DPP10: variants seen among roughly 807,000 people sequenced by gnomAD.
DPP10 encodes the protein inactive dipeptidyl peptidase 10.
Under a neutral mutation model 120.9 loss-of-function variants are expected in DPP10, and 33 were observed. The observed-to-expected ratio is 0.27, with a 90% CI of 0.21 to 0.37. The LOEUF (loss-of-function observed/expected upper bound fraction) is 0.37. DPP10 is among the 10% of genes least tolerant of loss of function. The pLI is 1.00. For synonymous variants in DPP10, 337 were observed against 326.1 expected, an observed-to-expected ratio of 1.03 and a Z score of -0.36; for missense variants, 816 against 942.8, an observed-to-expected ratio of 0.87 and a Z score of 1.76.
rs1558858610 is a variant in DPP10 at position 115,565,764 on chromosome 2, G to GTTTTT, written c.441+39796_441+39797insTTTTT. Among the ~76,000 whole-genome samples the GTTTTT allele has an allele frequency of 2.3e-4, 32 of 139,652 alleles. 1 individual carries two copies. Among genetic ancestry groups the GTTTTT allele is most frequent in the East Asian group, 4.2e-4 (2 of 4,796 alleles). 91.6% of individuals were successfully genotyped at this position (139,652 alleles called of 152,430 possible). On this transcript the variant is annotated intron_variant, in intron 5 of 25. Transcript: ENST00000410059. ...AGGTTATGGGTTTTTTTTTTTGTTTGTTTTGTTTTTTTTTGTTTTTTTTTG... is the reference window on the plus strand; with the variant it reads ...AGGTTATGGGTTTTTTTTTTTGTTTGTTTTTTTTTGTTTTTTTTTGTTTTTTTTTG...
chr2:115,508,030 A>G (rs2077037131), intron 4 of DPP10, among the ~76,000 whole-genome samples: 1 of 152,098 alleles, frequency 6.6e-6, no homozygotes, highest in African/African-American at 2.4e-5. Context: ...TTAAATGGGT[A>G]ATTCTATTTT....
chr2:115,318,623 A>G (rs544128905), intron 2 of DPP10, among the ~76,000 whole-genome samples: 8 of 152,138 alleles, frequency 5.3e-5, no homozygotes, highest in Non-Finnish European at 1.2e-4. Context: ...TTTATAGTGT[A>G]AAAGTTTTTC....
At chr2:114,569,784 G>A (rs563542554) in intron 1 of DPP10, among the ~76,000 whole-genome samples, 8 of 152,164 alleles carry the variant, frequency 5.3e-5, no homozygotes, top group Admixed American at 2.0e-4. Flanking sequence ...GAGCAAAAGA[G>A]TAAGATAATT....
chr2:115,380,594 T>G (rs4471900), intron 3 of DPP10, among the ~76,000 whole-genome samples: 8,021 of 151,930 alleles, frequency 0.053, 662 homozygotes, highest in African/African-American at 0.18. Context: ...ATCCTGTCAT[T>G]ATGATGTTAG....
intron 1 of DPP10, among the ~76,000 whole-genome samples, chr2:114,688,455 G>A (rs1699513107): frequency 6.6e-6 from 1 of 151,884 alleles, no homozygotes; most frequent in Non-Finnish European, 1.5e-5. Flanking sequence ...GGAAGAGGCT[G>A]TGCATTCATG....
chr2:115,242,602 G>A (rs1009015782), intron 1 of DPP10, among the ~76,000 whole-genome samples: 1 of 151,192 alleles, frequency 6.6e-6, no homozygotes, highest in Non-Finnish European at 1.5e-5. Context: ...TTCCATAGTG[G>A]TTGTGCTAGT....
At chr2:115,069,121 A>G (rs1422488339) in intron 1 of DPP10, among the ~76,000 whole-genome samples, 2 of 152,068 alleles carry the variant, frequency 1.3e-5, no homozygotes, top group African/African-American at 4.8e-5. Context: ...TGGGGCTTGC[A>G]TTGATTCTGT....
intron 1 of DPP10, among the ~76,000 whole-genome samples, chr2:114,736,928 C>A (rs1677499365): frequency 1.3e-5 from 2 of 152,104 alleles, no homozygotes; most frequent in South Asian, 2.1e-4. Context: ...ATTTTCTGAG[C>A]CCTTACTAAA....
At chr2:115,491,001 T>G (rs2076085376) in intron 3 of DPP10, among the ~76,000 whole-genome samples, 1 of 152,046 alleles carries the variant, frequency 6.6e-6, no homozygotes, top group Non-Finnish European at 1.5e-5. Flanking sequence ...ACCTGTAGTC[T>G]CAGCTATTCC....
intron 3 of DPP10, among the ~76,000 whole-genome samples, chr2:115,460,958 T>C (rs1433796746): frequency 1.3e-5 from 2 of 152,192 alleles, no homozygotes; most frequent in Non-Finnish European, 2.9e-5. Context: ...AATTTCTCGT[T>C]ATATTTCAGA....
intron 1 of DPP10, among the ~76,000 whole-genome samples, chr2:115,016,164 G>GGAACA (rs1232310267): frequency 1.3e-5 from 2 of 152,018 alleles, no homozygotes; most frequent in Admixed American, 1.3e-4. Flanking sequence ...ATAGACCAAT[G>GGAACA]GAACAGAACA....
intron 1 of DPP10, among the ~76,000 whole-genome samples, chr2:114,991,455 A>G (rs766794514): frequency 1.3e-4 from 20 of 152,236 alleles, no homozygotes; most frequent in Non-Finnish European, 2.1e-4. Context: ...TAATTCTCTT[A>G]AATAGCTACA....
intron 5 of DPP10, among the ~76,000 whole-genome samples, chr2:115,612,653 C>A (rs2084197108): frequency 6.6e-6 from 1 of 152,120 alleles, no homozygotes; most frequent in African/African-American, 2.4e-5. Flanking sequence ...CTCATTTCTG[C>A]ACTTCTTAGC....
chr2:114,723,267 T>C (rs140342041), intron 1 of DPP10, among the ~76,000 whole-genome samples: 172 of 152,324 alleles, frequency 1.1e-3, no homozygotes, highest in African/African-American at 3.9e-3. Context: ...TTTGTTAAAA[T>C]GCAAATTCCT....
At chr2:114,761,972 C>T (rs1680320223) in intron 1 of DPP10, among the ~76,000 whole-genome samples, 1 of 152,064 alleles carries the variant, frequency 6.6e-6, no homozygotes, top group African/African-American at 2.4e-5. Flanking sequence ...GCAGCCAAGC[C>T]AGTGTGGGGT....
intron 1 of DPP10, among the ~76,000 whole-genome samples, chr2:115,178,292 C>A (rs2053841700): frequency 6.6e-6 from 1 of 152,094 alleles, no homozygotes; most frequent in Admixed American, 6.5e-5. Context: ...CCGGAGTAGA[C>A]AAGGGCATGG....
intron 1 of DPP10, among the ~76,000 whole-genome samples, chr2:114,543,215 C>T (rs1404294586): frequency 2.0e-5 from 3 of 152,110 alleles, no homozygotes; most frequent in African/African-American, 7.2e-5. Context: ...TAAGGAGAAT[C>T]GACTTAAATC....
At chr2:114,586,142 T>G (rs2105121330) in intron 1 of DPP10, among the ~76,000 whole-genome samples, 1 of 152,190 alleles carries the variant, frequency 6.6e-6, no homozygotes, top group Non-Finnish European at 1.5e-5. Context: ...TCCCAGCTAC[T>G]TAGTAGGCTG....
At chr2:115,552,821 A>AT (rs1414191258) in intron 5 of DPP10, among the ~76,000 whole-genome samples, 2 of 152,076 alleles carry the variant, frequency 1.3e-5, no homozygotes, top group African/African-American at 4.8e-5. Flanking sequence ...CAGAGACATA[A>AT]GGCAGGGAAG....
Sources: allele counts gnomAD v4.1 joint callset (sites outside exome capture counted in the v4.1 genomes callset), GRCh38; gene constraint gnomAD v4.1.1; transcripts MANE v1.5; gene names NCBI Gene and HGNC (gene_info 2026-07-23, HGNC 2026-07-21).